MICU2: variants seen among roughly 807,000 people sequenced by gnomAD.
MICU2 encodes mitochondrial calcium uptake 2, also known as calcium uptake protein 2, mitochondrial.
A neutral mutation model predicts 60.4 loss-of-function variants in MICU2; 64 were observed. The ratio of observed to expected loss-of-function variants is 1.06; its 90% confidence interval spans 0.87 to 1.31. The LOEUF is 1.31. MICU2 is among the 50% of genes most tolerant of loss of function. MICU2 has a pLI of 0.00. For missense variants in MICU2, 569 were observed against 531.0 expected (o/e 1.07, Z -0.70); for synonymous variants, 201 against 175.0 (o/e 1.15, Z -1.17).
chr13:21,558,915 C>A (rs1783126029), intron 2 of MICU2, among the ~76,000 whole-genome samples: 2 of 152,052 alleles, frequency 1.3e-5, no homozygotes, highest in Admixed American at 1.3e-4. Context: ...ATGCTGGTAT[C>A]CGGTTTCTCT....
intron 4 of MICU2, among the ~76,000 whole-genome samples, chr13:21,528,177 A>G (rs1886902361): frequency 6.6e-6 from 1 of 152,060 alleles, no homozygotes; most frequent in Non-Finnish European, 1.5e-5. Flanking sequence ...TTATTTTCTT[A>G]TTTTAGGAAT....
chr13:21,509,311 A>C (rs1292239102), intron 8 of MICU2, among the ~76,000 whole-genome samples: 7 of 152,214 alleles, frequency 4.6e-5, no homozygotes, highest in Admixed American at 2.0e-4. Context: ...AGGGAGGTTA[A>C]ATAAGTACTT....
chr13:21,508,690 T>C (rs1308585591), intron 8 of MICU2, among the ~76,000 whole-genome samples: 8 of 152,194 alleles, frequency 5.3e-5, no homozygotes, highest in Admixed American at 5.2e-4. Flanking sequence ...TCTAATTCCC[T>C]TTACAAACCA....
chr13:21,542,111 T>C (rs1463253586), intron 2 of MICU2, among the ~76,000 whole-genome samples: 1 of 152,148 alleles, frequency 6.6e-6, no homozygotes, highest in Non-Finnish European at 1.5e-5. Context: ...CTTCAGTTAA[T>C]GCACCTCTCC....
intron 9 of MICU2, among the ~76,000 whole-genome samples, chr13:21,498,597 T>A (rs1192482531): frequency 1.3e-5 from 2 of 152,094 alleles, no homozygotes; most frequent in Non-Finnish European, 2.9e-5. Flanking sequence ...CAGGCTGGTC[T>A]CAAACTCCTG....
chr13:21,545,524 A>G (rs969032411), intron 2 of MICU2, among the ~76,000 whole-genome samples: 6 of 152,202 alleles, frequency 3.9e-5, no homozygotes, highest in Admixed American at 2.6e-4. Context: ...CTACTAAAAA[A>G]TACAAAAATT....
chr13:21,548,255 G>A (rs1378999884), intron 2 of MICU2, among the ~76,000 whole-genome samples: 7 of 152,178 alleles, frequency 4.6e-5, no homozygotes, highest in Non-Finnish European at 1.5e-5. Flanking sequence ...ATGTGTTAAT[G>A]TTGGTTGTTT....
chr13:21,563,639 G>A (rs1179081173), intron 2 of MICU2, among the ~76,000 whole-genome samples: 1 of 151,838 alleles, frequency 6.6e-6, no homozygotes, highest in Non-Finnish European at 1.5e-5. Context: ...TGGTGTTCCT[G>A]TTCCTTATAT....
intron 2 of MICU2, among the ~76,000 whole-genome samples, chr13:21,542,422 T>G (rs1351207061): frequency 6.6e-6 from 1 of 152,190 alleles, no homozygotes; most frequent in African/African-American, 2.4e-5. Flanking sequence ...TGTTTGAGTT[T>G]GTTTTTTTCA....
At chr13:21,585,626 G>T (rs1888438589) in intron 1 of MICU2, among the ~76,000 whole-genome samples, 1 of 152,098 alleles carries the variant, frequency 6.6e-6, no homozygotes, top group African/African-American at 2.4e-5. Flanking sequence ...TATGATTAGG[G>T]CTCTTATAGC....
At chr13:21,517,930 C>T (rs530561193) in intron 6 of MICU2, among the ~76,000 whole-genome samples, 1 of 152,166 alleles carries the variant, frequency 6.6e-6, no homozygotes, top group African/African-American at 2.4e-5. Context: ...TTTAAAATGA[C>T]ATGCTGTATC....
intron 9 of MICU2, among the ~76,000 whole-genome samples, chr13:21,501,529 C>T (rs574684531): frequency 1.3e-3 from 204 of 152,254 alleles, no homozygotes; most frequent in Middle Eastern, 3.4e-3. Context: ...CCCAAAGTGC[C>T]AGGATTACAG....
intron 9 of MICU2, chr13:21,496,532 A>G (rs1886001617): frequency 5.1e-6 from 1 of 195,840 alleles, no homozygotes; most frequent in Non-Finnish European, 1.0e-5. Flanking sequence ...CACTTCTGCT[A>G]AGTTTTATTA....
intron 4 of MICU2, among the ~76,000 whole-genome samples, chr13:21,525,483 G>A (rs541959376): frequency 7.2e-5 from 11 of 151,980 alleles, no homozygotes; most frequent in Non-Finnish European, 1.0e-4. Context: ...GAGCCACCGC[G>A]CCTGGCCAAT....
chr13:21,522,048 C>T (rs1177907976), intron 5 of MICU2, among the ~76,000 whole-genome samples: 2 of 152,228 alleles, frequency 1.3e-5, no homozygotes, highest in East Asian at 3.9e-4. Flanking sequence ...CACACCTGGT[C>T]TTCCTCTAAT....
chr13:21,496,086 C>A lies in MICU2; in HGVS notation c.1008G>T (p.Gln336His). The stretch of plus-strand genomic sequence containing the variant: ...CAGGACGATGAGCTAAACTGAACAT[C>A]TGCATGGCAATAGCAAAGTCTTCCA... The part of the protein sequence containing the change: ...THLEDFAIAM[Q>H]MFSLAHRPVR... Residue 336 changes from glutamine (Q) to histidine (H), a missense_variant, in exon 10 of 12, where the codon CAG (glutamine) becomes CAT (histidine). Coordinates refer to ENST00000382374, the MANE Select transcript of MICU2 (RefSeq NM_152726.3). The A allele has an allele frequency of 6.2e-7, 1 of 1,614,028 alleles. No homozygotes were observed. The highest frequency in any genetic ancestry group is 8.5e-7 in the Non-Finnish European group (1 of 1,179,946).
At chr13:21,543,469 A>C (rs1887332146) in intron 2 of MICU2, among the ~76,000 whole-genome samples, 1 of 152,252 alleles carries the variant, frequency 6.6e-6, no homozygotes, top group Non-Finnish European at 1.5e-5. Flanking sequence ...GAATTCAGTA[A>C]AGTTGCAGAT....
chr13:21,554,055 A>G (rs1475779372), intron 2 of MICU2, among the ~76,000 whole-genome samples: 1 of 152,188 alleles, frequency 6.6e-6, no homozygotes, highest in Non-Finnish European at 1.5e-5. Context: ...ACCTACAGAG[A>G]GACTTAGACT....
Position 21,538,277 on chromosome 13 carries a change from T to TA in MICU2, c.466+1024dup, listed in dbSNP as rs1017120069. Among the ~76,000 whole-genome samples, 396 of 147,590 alleles carry TA rather than the reference T, an allele frequency of 2.7e-3. 2 individuals are homozygous for TA. Among genetic ancestry groups the TA allele is most frequent in the African/African-American group, 7.1e-3 (285 of 40,290 alleles). On this transcript the variant is annotated intron_variant, in intron 4 of 11. Transcript: ENST00000382374. ...TCAACCAACCGTGTATCAAAAATAT[T>TA]AAAAAAAAAAGGTCTGGTGTGGTGG...
Sources: gnomAD v4.1 joint callset for allele counts (sites outside exome capture counted in the v4.1 genomes callset) on GRCh38, gnomAD v4.1.1 for gene constraint, MANE v1.5 for transcripts, NCBI Gene and HGNC (gene_info 2026-07-23, HGNC 2026-07-21) for gene names.